Variants in ANO6 observed in about 807,000 individuals in gnomAD.
ANO6 encodes anoctamin 6.
Under a neutral mutation model 117.5 loss-of-function variants are expected in ANO6, and 106 were observed. The ratio of observed to expected loss-of-function variants is 0.90; its 90% CI spans 0.77 to 1.06. ANO6 has a LOEUF of 1.06. Ranked by LOEUF, ANO6 falls within the 50% of genes least tolerant of loss-of-function variation. The pLI, the probability that ANO6 is intolerant of heterozygous loss-of-function variation, is 0.00. For synonymous variants in ANO6, 367 were observed against 385.1 expected (o/e 0.95, Z 0.55); for missense variants, 955 against 1,121.1 (o/e 0.85, Z 2.12).
intron 2 of ANO6, 90 bp downstream of exon 2, chr12:45,302,183 C>T: frequency 3.6e-6 from 4 of 1,120,538 alleles, no homozygotes; most frequent in Non-Finnish European, 5.4e-6. Context: ...GAATTCATTC[C>T]TTCAATGGCT....
intron 1 of ANO6, among the ~76,000 whole-genome samples, chr12:45,296,135 G>A (rs892345840): frequency 2.0e-5 from 3 of 152,134 alleles, no homozygotes; most frequent in African/African-American, 7.2e-5. Context: ...ATAATGACTG[G>A]TGAGTGCTGG....
intron 1 of ANO6, among the ~76,000 whole-genome samples, chr12:45,294,757 G>A (rs999585123): frequency 2.0e-5 from 3 of 152,124 alleles, no homozygotes; most frequent in Admixed American, 6.6e-5. Context: ...GTAGTTATTC[G>A]AAAATGATTG....
chr12:45,334,847 C>T (rs765470074), intron 3 of ANO6, among the ~76,000 whole-genome samples: 20 of 152,010 alleles, frequency 1.3e-4, no homozygotes, highest in African/African-American at 1.7e-4. Flanking sequence ...TCTCCAACTC[C>T]TCTTGCTCAG....
chr12:45,309,821 T>C (rs1939792809), intron 2 of ANO6, among the ~76,000 whole-genome samples: 1 of 152,054 alleles, frequency 6.6e-6, no homozygotes, highest in Non-Finnish European at 1.5e-5. Flanking sequence ...CAAAGAAATA[T>C]GATGACTTTG....
rs1274013945 is a variant in ANO6 at position 45,396,251 on chromosome 12, AAG to A, written c.1387-5540_1387-5539del. ...TGAACTCCCATTCACAATTGCTACA[AAG>A]AGAATAAAATACCTAGGAATCCAAC... On this transcript the variant is annotated intron_variant, in intron 12 of 19. Coordinates refer to ENST00000320560, the MANE Select transcript of ANO6 (RefSeq NM_001025356.3). Among the ~76,000 whole-genome samples the A allele has an allele frequency of 3.9e-5, 6 of 152,302 alleles. No individual in the cohort carries two copies. The East Asian group carries it at 9.6e-4, about 24-fold the overall frequency.
chr12:45,374,810 G>C (rs958775471), intron 9 of ANO6, among the ~76,000 whole-genome samples: 19 of 152,230 alleles, frequency 1.2e-4, no homozygotes, highest in Admixed American at 2.0e-4. Flanking sequence ...GGGATGCCCT[G>C]TCTCACCACT....
Position 45,432,099 on chromosome 12 carries a change from T to C in ANO6, c.*2788T>C, listed in dbSNP as rs1348020129. On this transcript the variant is annotated 3_prime_UTR_variant, in exon 20 of 20. Transcript: ENST00000320560. ...TCACAATGGGGGTCAGAATGTACTC[T>C]TGTTGAAACACTTCTTGTACCATTT... The C allele has an allele frequency of 1.0e-6, 1 of 985,438 alleles. No homozygotes were observed. The highest frequency in any genetic ancestry group is 1.2e-6 in the Non-Finnish European group (1 of 829,932). The allele number at this position is 985,438 out of a possible 1,614,324, so 61.0% of individuals were successfully genotyped here. A position where few individuals can be genotyped will look rare whatever the true frequency, so the allele number is the denominator to read the frequency against.
intron 16 of ANO6, 112 bp downstream of exon 16, chr12:45,409,599 G>A: frequency 7.6e-7 from 1 of 1,313,228 alleles, no homozygotes; most frequent in Non-Finnish European, 1.1e-6. Flanking sequence ...AAATGAAGAA[G>A]AGTATGTTTT....
chr12:45,299,575 G>A (rs1033438703), intron 1 of ANO6, among the ~76,000 whole-genome samples: 6 of 152,116 alleles, frequency 3.9e-5, no homozygotes, highest in East Asian at 3.9e-4. Context: ...AATCCAGGCC[G>A]GAAGCGGTGA....
At chr12:45,350,867 A>G in intron 7 of ANO6, 93 bp downstream of exon 7, 3 of 1,092,276 alleles carry the variant, frequency 2.7e-6, no homozygotes, top group Non-Finnish European at 4.1e-6. Flanking sequence ...GACTCTTGCC[A>G]GTGAAGGGAG....
At chr12:45,369,413 C>T (rs1265242641) in intron 9 of ANO6, among the ~76,000 whole-genome samples, 1 of 152,088 alleles carries the variant, frequency 6.6e-6, no homozygotes, top group African/African-American at 2.4e-5. Context: ...TCGACACTCC[C>T]CACACCCACC....
intron 16 of ANO6, among the ~76,000 whole-genome samples, chr12:45,411,896 CT>C (rs1943095319): frequency 6.6e-6 from 1 of 152,202 alleles, no homozygotes; most frequent in Non-Finnish European, 1.5e-5. Context: ...GAGGCAGCTA[CT>C]GCGTCCTCTG....
At chr12:45,401,122 AGT>A (rs1942775236) in intron 12 of ANO6, among the ~76,000 whole-genome samples, 1 of 152,236 alleles carries the variant, frequency 6.6e-6, no homozygotes, top group Admixed American at 6.5e-5. Context: ...GTAAGATCTG[AGT>A]GTGAAAAGTG....
Position 45,431,497 on chromosome 12 carries a change from C to G in ANO6, c.*2186C>G. 5.1e-6 allele frequency: 5 copies of G among 985,360 alleles called. No individual in the cohort carries two copies. Among genetic ancestry groups the G allele is most frequent in the Non-Finnish European group, 6.0e-6 (5 of 829,936 alleles). 61.0% of individuals were successfully genotyped at this position (985,360 alleles called of 1,614,324 possible). ...TTTCATAGCCCCAGCAGAGAAAATCCTCTTCATAGATTAAATGTGCTGCTG... is the reference window on the plus strand; with the variant it reads ...TTTCATAGCCCCAGCAGAGAAAATCGTCTTCATAGATTAAATGTGCTGCTG... On this transcript the variant is annotated 3_prime_UTR_variant, in exon 20 of 20. Transcript: ENST00000320560.
intron 1 of ANO6, among the ~76,000 whole-genome samples, chr12:45,219,472 A>G (rs1298027724): frequency 6.7e-6 from 1 of 149,318 alleles, no homozygotes; most frequent in Non-Finnish European, 1.5e-5. Context: ...AGTAGCTGGG[A>G]CCACAGGCCT....
At chr12:45,258,787 G>C (rs1267015008) in intron 1 of ANO6, among the ~76,000 whole-genome samples, 1 of 152,162 alleles carries the variant, frequency 6.6e-6, no homozygotes, top group Non-Finnish European at 1.5e-5. Context: ...TTGTGTGTTT[G>C]TTTCCCCCAA....
At position 45,429,359 on chromosome 12, in the gene ANO6, A is replaced by G. The variant is rs114433592; in HGVS notation, c.*48A>G. ...CTTTAAGGAATTTAGCTTTGTCAAA[A>G]TATATTAGGAATCACTAATGAGAAT... On this transcript the variant is annotated 3_prime_UTR_variant, in exon 20 of 20. Transcript: ENST00000320560. 6.8e-4 allele frequency: 1,089 copies of G among 1,592,480 alleles called. 9 individuals are homozygous for G. The African/African-American group carries it at 0.013, about 18-fold the overall frequency.
intron 2 of ANO6, among the ~76,000 whole-genome samples, chr12:45,319,845 G>A (rs1326954812): frequency 6.6e-6 from 1 of 152,160 alleles, no homozygotes; most frequent in Non-Finnish European, 1.5e-5. Flanking sequence ...TTTAGTCTTG[G>A]GAGGGTGAAT....
At chr12:45,243,959 A>G (rs1265479889) in intron 1 of ANO6, among the ~76,000 whole-genome samples, 1 of 152,252 alleles carries the variant, frequency 6.6e-6, no homozygotes, top group Non-Finnish European at 1.5e-5. Flanking sequence ...AGTTTGAGAA[A>G]GTAAATTGAA....
Sources: gnomAD v4.1 joint callset for allele counts (sites outside exome capture counted in the v4.1 genomes callset) on GRCh38, gnomAD v4.1.1 for gene constraint, MANE v1.5 for transcripts, NCBI Gene and HGNC (gene_info 2026-07-23, HGNC 2026-07-21) for gene names.